DKC1: variants seen among roughly 807,000 people sequenced by gnomAD.
DKC1 encodes the protein dyskerin pseudouridine synthase 1, also known as H/ACA ribonucleoprotein complex subunit DKC1.
DKC1 carries 4 observed loss-of-function variants against 46.7 expected under a neutral mutation model. That is an observed-to-expected ratio of 0.09 (90% CI 0.04 to 0.20). DKC1 has a LOEUF of 0.20. Among genes scored for constraint, DKC1 ranks in the 10% least tolerant of loss-of-function variants. The probability of loss-of-function intolerance (pLI) is 1.00; values close to 1 mark genes in which losing one functional copy is unlikely to be tolerated. For synonymous variants in DKC1, 141 were observed against 142.4 expected, an observed-to-expected ratio of 0.99 and a Z score of 0.07; for missense variants, 171 against 404.2, an observed-to-expected ratio of 0.42 and a Z score of 4.95.
At chrX:154,771,501 T>G (rs1267814030) in intron 10 of DKC1, among the ~76,000 whole-genome samples, 7 of 105,835 alleles carry the variant, frequency 6.6e-5, no homozygotes, top group Admixed American at 3.0e-4. Flanking sequence ...TTTTTTTTTG[T>G]ACCCATTAAC....
chrX:154,774,744 C>T lies in DKC1; in HGVS notation c.1259+39C>T, dbSNP rs146635866. The T allele has an allele frequency of 1.2e-3, 1,301 of 1,090,535 alleles. 5 individuals carry two copies. In the African/African-American group the frequency reaches 0.021, roughly 18 times the overall value. 89.9% of individuals were successfully genotyped at this position (1,090,535 alleles called of 1,213,427 possible). A position where few individuals can be genotyped will look rare whatever the true frequency, so the allele number is the denominator to read the frequency against. ...GTTTCAGAGCCGGGGTGGGTAGAGACGGCACACTTGCTGCCTTGATGCAGG... is the reference window on the plus strand; with the variant it reads ...GTTTCAGAGCCGGGGTGGGTAGAGATGGCACACTTGCTGCCTTGATGCAGG... On this transcript the variant is annotated intron_variant, in intron 12 of 14. Coordinates refer to ENST00000369550, the MANE Select transcript of DKC1 (RefSeq NM_001363.5).
At chrX:154,771,686 A>G (rs2071828768) in intron 10 of DKC1, among the ~76,000 whole-genome samples, 1 of 111,707 alleles carries the variant, frequency 9.0e-6, no homozygotes, top group Admixed American at 9.5e-5. Flanking sequence ...AACGATCTTC[A>G]GTTCCATCCA....
intron 12 of DKC1, 85 bp from the exon 13 acceptor site, chrX:154,775,110 A>G (rs2071879448): frequency 1.1e-6 from 1 of 922,567 alleles, no homozygotes; most frequent in African/African-American, 1.9e-5. Flanking sequence ...TGGTGGCTTT[A>G]GACTTGCCAG....
chrX:154,768,882 G>C (rs1557264593), intron 8 of DKC1: 1 of 295,651 alleles, frequency 3.4e-6, no homozygotes, highest in South Asian at 4.7e-5. Context: ...AGCTACTCGG[G>C]AGGCTGAGGC....
chrX:154,774,816 A>G (rs2071875454), intron 12 of DKC1, 111 bp downstream of exon 12: 1 of 672,973 alleles, frequency 1.5e-6, no homozygotes. Context: ...CCCACTTGCC[A>G]TCTGGACGCA....
At chrX:154,766,930 C>A in intron 5 of DKC1, 67 bp from the exon 6 acceptor site, 1 of 1,008,660 alleles carries the variant, frequency 9.9e-7, no homozygotes, top group Non-Finnish European at 1.4e-6. Context: ...AGTGACTGAG[C>A]ATATAAGAAA....
At chrX:154,776,563 G>T (rs142192567) in intron 14 of DKC1, among the ~76,000 whole-genome samples, 17 of 112,172 alleles carry the variant, frequency 1.5e-4, no homozygotes, top group African/African-American at 4.9e-4. Flanking sequence ...TTGATGGTGG[G>T]TGGAGAGGAT....
chrX:154,774,518 G>C (rs1411266570), intron 11 of DKC1, 84 bp from the exon 12 acceptor site: 2 of 863,643 alleles, frequency 2.3e-6, no homozygotes, highest in Non-Finnish European at 3.4e-6. Context: ...CACCAGGGAG[G>C]AACCTTGTTC....
Position 154,766,306 on chromosome X carries a change from A to C in DKC1, c.354A>C (p.Thr118=), listed in dbSNP as rs782453009. 6 of 1,206,658 alleles carry C rather than the reference A, an allele frequency of 5.0e-6. No homozygotes were observed. Among genetic ancestry groups the C allele is most frequent in the Middle Eastern group, 4.6e-4 (2 of 4,369 alleles). The stretch of plus-strand genomic sequence containing the variant: ...GACGGATACTTCGGGTGGAGAAGAC[A>C]GGGCACAGTGGTACGCTGGATCCCA... ...WIRRILRVEK[T]GHSGTLDPKV... The change falls in exon 5 of 15, where the codon ACA becomes ACC. Residue 118 remains threonine, a synonymous_variant. Transcript: ENST00000369550.
intron 10 of DKC1, among the ~76,000 whole-genome samples, chrX:154,771,485 A>ATTTTTTT (rs58087354): frequency 3.1e-5 from 3 of 95,896 alleles, no homozygotes; most frequent in African/African-American, 1.1e-4. Context: ...GCCGGGCCTG[A>ATTTTTTT]TTTTTTTTTT....
rs2071696861 is a variant in DKC1 at position 154,762,885 on chromosome X, C to T, written c.-81C>T. The T allele has an allele frequency of 1.8e-6, 2 of 1,119,814 alleles. No homozygotes were observed. The highest frequency in any genetic ancestry group is 5.2e-5 in the Admixed American group (2 of 38,674). 92.3% of individuals were successfully genotyped at this position (1,119,814 alleles called of 1,213,427 possible). A position where few individuals can be genotyped will look rare whatever the true frequency, so the allele number is the denominator to read the frequency against. Reference sequence around the variant, plus strand: ...GGGTGGGTGGGTCCTAGCAGCGCGGCCTGACGGGACCAAGGCGGCGGGAGT... The same window carrying T: ...GGGTGGGTGGGTCCTAGCAGCGCGGTCTGACGGGACCAAGGCGGCGGGAGT... On this transcript the variant is annotated 5_prime_UTR_variant, in exon 1 of 15. Transcript: ENST00000369550.
intron 11 of DKC1, among the ~76,000 whole-genome samples, chrX:154,773,859 C>T (rs782633291): frequency 4.5e-5 from 5 of 112,273 alleles, no homozygotes; most frequent in African/African-American, 1.6e-4. Flanking sequence ...AGGGGCTCCT[C>T]ACTTCCCAGT....
At chrX:154,766,566 G>A (rs1557264192) in intron 5 of DKC1, 166 bp downstream of exon 5, 1 of 505,986 alleles carries the variant, frequency 2.0e-6, no homozygotes, top group Non-Finnish European at 3.3e-6. Flanking sequence ...CCAGATCTTG[G>A]TGGTCCGCGC....
intron 10 of DKC1, 76 bp downstream of exon 10, chrX:154,770,955 T>G: frequency 9.7e-7 from 1 of 1,034,656 alleles, no homozygotes. Context: ...ATGGGGTTCA[T>G]GAGATGTTTT....
intron 12 of DKC1, 101 bp from the exon 13 acceptor site, chrX:154,775,094 T>C: frequency 1.2e-6 from 1 of 819,791 alleles, no homozygotes; most frequent in Non-Finnish European, 1.9e-6. Context: ...AGCGTCAGTA[T>C]TTTGATGGTG....
At chrX:154,774,500 T>C in intron 11 of DKC1, 102 bp from the exon 12 acceptor site, 1 of 736,457 alleles carries the variant, frequency 1.4e-6, no homozygotes, top group Non-Finnish European at 2.1e-6. Context: ...GAGGCCCTGC[T>C]GAGAATACAC....
At position 154,766,550 on chromosome X, in the gene DKC1, C is replaced by A. The variant is rs1478802592; in HGVS notation, c.448+150C>A. ...GTTTTGGTTTCTGTGTACGTTCTGT[C>A]CCCTGCCAGATCTTGGTGGTCCGCG... On this transcript the variant is annotated intron_variant, in intron 5 of 14. Transcript: ENST00000369550. 3 of 558,092 alleles carry A rather than the reference C, an allele frequency of 5.4e-6. No individual in the cohort carries two copies. In the Admixed American group the frequency reaches 1.0e-4, roughly 19 times the overall value. 46.0% of individuals were successfully genotyped at this position (558,092 alleles called of 1,213,427 possible).
At chrX:154,763,221 G>T (rs1328935793) in intron 1 of DKC1, among the ~76,000 whole-genome samples, 1 of 112,142 alleles carries the variant, frequency 8.9e-6, no homozygotes, top group Non-Finnish European at 1.9e-5. Flanking sequence ...CCTCCCTGGG[G>T]TCCGGGTCGC....
chrX:154,772,530 A>G (rs1167715413), intron 10 of DKC1, among the ~76,000 whole-genome samples: 1 of 112,294 alleles, frequency 8.9e-6, no homozygotes, highest in African/African-American at 3.2e-5. Context: ...TGATTCCTCC[A>G]GGTTTGTTCT....
Sources: allele counts gnomAD v4.1 joint callset (sites outside exome capture counted in the v4.1 genomes callset), GRCh38; gene constraint gnomAD v4.1.1; transcripts MANE v1.5; gene names NCBI Gene and HGNC (gene_info 2026-07-23, HGNC 2026-07-21).